PLCE1: variants seen among roughly 807,000 people sequenced by gnomAD.
PLCE1 encodes 1-phosphatidylinositol 4,5-bisphosphate phosphodiesterase epsilon-1.
Under a neutral mutation model 242.8 loss-of-function variants are expected in PLCE1, and 119 were observed. That is an observed-to-expected ratio of 0.49 (90% CI 0.42 to 0.57). The LOEUF (loss-of-function observed/expected upper bound fraction) is 0.57. Among genes scored for constraint, PLCE1 ranks in the 20% least tolerant of loss-of-function variants. The pLI, the probability that PLCE1 is intolerant of heterozygous loss-of-function variation, is 0.00. For missense variants in PLCE1, 2,441 were observed against 2,788.8 expected (o/e 0.88, Z 2.81); for synonymous variants, 945 against 1,017.4 (o/e 0.93, Z 1.35).
At chr10:94,006,223 G>T (rs2061034294) in intron 1 of PLCE1, among the ~76,000 whole-genome samples, 1 of 152,226 alleles carries the variant, frequency 6.6e-6, no homozygotes, top group Admixed American at 6.5e-5. Context: ...ACTTCATGGG[G>T]TTGTGATGAG....
chr10:94,158,855 T>TTTTC (rs1554871159), intron 3 of PLCE1, among the ~76,000 whole-genome samples: 4 of 62,020 alleles, frequency 6.4e-5, no homozygotes, highest in Non-Finnish European at 1.7e-4. Context: ...CTTCTTTTTC[T>TTTTC]TTTTTTTTTT....
At chr10:94,256,325 A>C (rs75197788) in intron 11 of PLCE1, among the ~76,000 whole-genome samples, 1 of 129,712 alleles carries the variant, frequency 7.7e-6, no homozygotes, top group Admixed American at 7.6e-5. Flanking sequence ...GCTTGTCTCA[A>C]AAAAAAAAAA....
chr10:94,079,759 G>A (rs566159706), intron 2 of PLCE1, among the ~76,000 whole-genome samples: 5 of 152,304 alleles, frequency 3.3e-5, no homozygotes, highest in Non-Finnish European at 5.9e-5. Flanking sequence ...TTAGCCTGGG[G>A]TAGAGTCCAG....
At chr10:94,304,725 T>C in intron 25 of PLCE1, 80 bp downstream of exon 25, 1 of 1,364,056 alleles carries the variant, frequency 7.3e-7, no homozygotes, top group Non-Finnish European at 1.0e-6. Flanking sequence ...ATTCAAGGCA[T>C]TGGAAAGCTG....
At position 94,273,674 on chromosome 10, in the gene PLCE1, A is replaced by G. The variant is rs757878108; in HGVS notation, c.4619A>G (p.Lys1540Arg). The G allele has an allele frequency of 2.5e-6, 4 of 1,614,000 alleles. No homozygotes were observed. The highest frequency in any genetic ancestry group is 3.4e-6 in the Non-Finnish European group (4 of 1,179,898). Residue 1540 changes from lysine to arginine, a missense_variant, in exon 19 of 33, where the codon AAG (lysine) becomes AGG (arginine). Transcript: ENST00000371380. ...AGAAAGAAAGTTCTTCTTAAAAACA[A>G]GAAGCTAAAAGCCCATCAGACGCCA... ...QLRKKVLLKN[K>R]KLKAHQTPVD...
intron 2 of PLCE1, chr10:94,089,408 A>G: frequency 6.5e-7 from 1 of 1,526,762 alleles, no homozygotes; most frequent in Non-Finnish European, 8.8e-7. Context: ...GAAATCCCCC[A>G]GTGTTCTTAA....
chr10:94,112,829 C>A (rs1367710214), intron 2 of PLCE1, among the ~76,000 whole-genome samples: 2 of 152,160 alleles, frequency 1.3e-5, no homozygotes. Flanking sequence ...ACCTACTTCT[C>A]TATCTTGCTT....
intron 2 of PLCE1, among the ~76,000 whole-genome samples, chr10:94,076,753 CT>C (rs2044514481): frequency 6.7e-6 from 1 of 150,076 alleles, no homozygotes; most frequent in African/African-American, 2.5e-5. Context: ...CTGGAAGCAG[CT>C]GCTGGCAGCC....
At chr10:94,104,450 C>G (rs1472326016) in intron 2 of PLCE1, 3 of 152,146 alleles carry the variant, frequency 2.0e-5, no homozygotes, top group Admixed American at 6.5e-5. Flanking sequence ...TTCATGTATC[C>G]CATGACCCTG....
chr10:94,082,272 A>T (rs1262147403), intron 2 of PLCE1: 3 of 152,212 alleles, frequency 2.0e-5, no homozygotes, highest in African/African-American at 7.2e-5. Context: ...GTAAAACAGA[A>T]AATAATTATT....
intron 3 of PLCE1, chr10:94,138,008 C>T: frequency 2.6e-6 from 1 of 380,156 alleles, no homozygotes; most frequent in Admixed American, 3.1e-5. Context: ...CCAGCAGGCA[C>T]AGAGATTCAA....
intron 2 of PLCE1, among the ~76,000 whole-genome samples, chr10:94,065,614 A>T (rs1361875808): frequency 6.6e-6 from 1 of 152,204 alleles, no homozygotes; most frequent in Non-Finnish European, 1.5e-5. Context: ...TGGAGACAGC[A>T]GTTGTCCTTA....
chr10:94,229,659 G>T (rs1263263855), intron 5 of PLCE1, among the ~76,000 whole-genome samples: 1 of 152,164 alleles, frequency 6.6e-6, no homozygotes, highest in Non-Finnish European at 1.5e-5. Context: ...GGCCTAGAGT[G>T]AATGGGACTT....
intron 1 of PLCE1, among the ~76,000 whole-genome samples, chr10:93,996,945 C>T (rs552025864): frequency 6.6e-6 from 1 of 152,210 alleles, no homozygotes; most frequent in African/African-American, 2.4e-5. Flanking sequence ...AGGGGTAATT[C>T]CTATTAATCT....
Position 94,259,210 on chromosome 10 carries a change from A to G in PLCE1, c.3814+60A>G, listed in dbSNP as rs959729737. ...CAATCTGTCTAAAACTTAAGGTCAG[A>G]GGTCCAGTCACACAAACTCTGAGCC... On this transcript the variant is annotated intron_variant, in intron 13 of 32. Coordinates refer to ENST00000371380, the MANE Select transcript of PLCE1 (RefSeq NM_016341.4). 32 of 1,533,446 alleles carry G rather than the reference A, an allele frequency of 2.1e-5. No individual in the cohort carries two copies. In the South Asian group the frequency reaches 3.6e-4, roughly 17 times the overall value. 95.0% of individuals were successfully genotyped at this position (1,533,446 alleles called of 1,614,324 possible).
At chr10:94,112,386 T>C (rs2045982686) in intron 2 of PLCE1, among the ~76,000 whole-genome samples, 1 of 152,204 alleles carries the variant, frequency 6.6e-6, no homozygotes, top group Admixed American at 6.5e-5. Context: ...GTAATAGTAA[T>C]GTTGGCTATA....
At chr10:94,218,514 T>G (rs1471254282) in intron 4 of PLCE1, among the ~76,000 whole-genome samples, 1 of 152,108 alleles carries the variant, frequency 6.6e-6, no homozygotes, top group East Asian at 1.9e-4. Flanking sequence ...TAAAATAAAA[T>G]GAAGATCATA....
At chr10:94,145,577 C>A (rs75823594) in intron 3 of PLCE1, among the ~76,000 whole-genome samples, 3 of 152,274 alleles carry the variant, frequency 2.0e-5, no homozygotes, top group Non-Finnish European at 4.4e-5. Flanking sequence ...TCTCTGGCAA[C>A]CCTGGGCCAC....
intron 1 of PLCE1, among the ~76,000 whole-genome samples, chr10:94,028,011 T>A (rs1172147020): frequency 6.6e-6 from 1 of 152,192 alleles, no homozygotes; most frequent in Non-Finnish European, 1.5e-5. Context: ...TTCTTGGATT[T>A]GAATCCTGTC....
Sources: allele counts gnomAD v4.1 joint callset (sites outside exome capture counted in the v4.1 genomes callset), GRCh38; gene constraint gnomAD v4.1.1; transcripts MANE v1.5; gene names NCBI Gene and HGNC (gene_info 2026-07-23, HGNC 2026-07-21).